The following FOXP1 variants were observed in gnomAD, a reference collection of about 807,000 sequenced individuals.
The protein encoded by FOXP1 is forkhead box protein P1.
FOXP1 carries 15 observed loss-of-function variants against 98.2 expected under a neutral mutation model. The ratio of observed to expected loss-of-function variants is 0.15; its 90% CI spans 0.10 to 0.24. The LOEUF (loss-of-function observed/expected upper bound fraction) is 0.24. Among genes scored for constraint, FOXP1 ranks in the 10% least tolerant of loss-of-function variants. The pLI, the probability that FOXP1 is intolerant of heterozygous loss-of-function variation, is 1.00. For synonymous variants in FOXP1, 371 were observed against 314.5 expected (o/e 1.18, Z -1.90); for missense variants, 633 against 848.5 (o/e 0.75, Z 3.15).
chr3:71,517,740 A>G (rs181316902), intron 2 of FOXP1, among the ~76,000 whole-genome samples: 3 of 152,170 alleles, frequency 2.0e-5, no homozygotes, highest in Admixed American at 2.0e-4. Context: ...CATTAGTTAC[A>G]TTCTTAGACA....
chr3:71,024,959 G>GT (rs2045921271), intron 11 of FOXP1, among the ~76,000 whole-genome samples: 1 of 152,208 alleles, frequency 6.6e-6, no homozygotes, highest in South Asian at 2.1e-4. Flanking sequence ...CTCATGGCCA[G>GT]TGGTGTGCTG....
intron 7 of FOXP1, among the ~76,000 whole-genome samples, chr3:71,054,149 A>T (rs566486698): frequency 1.3e-5 from 2 of 152,178 alleles, no homozygotes; most frequent in Non-Finnish European, 2.9e-5. Context: ...AGAGAAGACA[A>T]ATGGTAACCA....
chr3:71,407,728 C>A (rs1297446180), intron 3 of FOXP1, among the ~76,000 whole-genome samples: 1 of 151,790 alleles, frequency 6.6e-6, no homozygotes, highest in Non-Finnish European at 1.5e-5. Flanking sequence ...TGAAATATTC[C>A]TGCTGGCGGA....
At chr3:71,379,214 G>A (rs190108461) in intron 3 of FOXP1, among the ~76,000 whole-genome samples, 1 of 151,978 alleles carries the variant, frequency 6.6e-6, no homozygotes, top group Non-Finnish European at 1.5e-5. Flanking sequence ...AGAACAACTG[G>A]GTAGAACAAG....
chr3:71,400,425 C>T (rs1027167611), intron 3 of FOXP1, among the ~76,000 whole-genome samples: 3 of 151,946 alleles, frequency 2.0e-5, no homozygotes, highest in Non-Finnish European at 2.9e-5. Flanking sequence ...GGTGCAATCT[C>T]GGCTCACTGC....
At chr3:70,974,407 C>G (rs2037054444) in intron 17 of FOXP1, among the ~76,000 whole-genome samples, 1 of 152,062 alleles carries the variant, frequency 6.6e-6, no homozygotes, top group Non-Finnish European at 1.5e-5. Context: ...AAGCGAGTCT[C>G]CTGCCTTAGC....
chr3:71,534,551 C>A (rs1454190533), intron 2 of FOXP1, among the ~76,000 whole-genome samples: 4 of 152,148 alleles, frequency 2.6e-5, no homozygotes, highest in Non-Finnish European at 5.9e-5. Context: ...TTAAAACAGC[C>A]CAATATCTTC....
At chr3:71,469,948 T>A (rs1391417043) in intron 3 of FOXP1, among the ~76,000 whole-genome samples, 2 of 152,178 alleles carry the variant, frequency 1.3e-5, no homozygotes, top group Non-Finnish European at 2.9e-5. Context: ...AATGGCCTCA[T>A]GTGGGGTAAT....
intron 2 of FOXP1, among the ~76,000 whole-genome samples, chr3:71,528,845 A>C (rs2043600927): frequency 6.6e-6 from 1 of 152,238 alleles, no homozygotes; most frequent in African/African-American, 2.4e-5. Flanking sequence ...GGTATGAAAG[A>C]AGGAAAACAA....
intron 6 of FOXP1, among the ~76,000 whole-genome samples, chr3:71,186,970 A>T (rs2062685113): frequency 6.6e-6 from 1 of 152,256 alleles, no homozygotes; most frequent in African/African-American, 2.4e-5. Flanking sequence ...CTGCTGCAGC[A>T]TGAACGCAGT....
chr3:71,394,128 C>T (rs1223418447), intron 3 of FOXP1, among the ~76,000 whole-genome samples: 1 of 152,236 alleles, frequency 6.6e-6, no homozygotes, highest in African/African-American at 2.4e-5. Context: ...AGAAGAGTCA[C>T]CAGCTCCCAA....
At chr3:71,311,011 A>T (rs1022849975) in intron 4 of FOXP1, among the ~76,000 whole-genome samples, 1 of 152,222 alleles carries the variant, frequency 6.6e-6, no homozygotes, top group Non-Finnish European at 1.5e-5. Context: ...TGACAAAAAT[A>T]TCAGAACATA....
At chr3:70,996,540 C>T (rs1361454089) in intron 13 of FOXP1, among the ~76,000 whole-genome samples, 4 of 152,156 alleles carry the variant, frequency 2.6e-5, no homozygotes, top group Non-Finnish European at 5.9e-5. Context: ...GCATCTTTTT[C>T]TTTAGGGAGG....
At chr3:71,529,007 C>G (rs758249224) in intron 2 of FOXP1, among the ~76,000 whole-genome samples, 26 of 152,174 alleles carry the variant, frequency 1.7e-4, no homozygotes, top group Non-Finnish European at 2.8e-4. Context: ...AAACTTTGCA[C>G]CAGCTAACTG....
intron 5 of FOXP1, among the ~76,000 whole-genome samples, chr3:71,298,714 A>G (rs1442916369): frequency 2.0e-5 from 3 of 152,230 alleles, no homozygotes; most frequent in African/African-American, 7.2e-5. Context: ...AATGTGCCAG[A>G]ATGCAACTAC....
chr3:71,444,534 C>G (rs1055181874), intron 3 of FOXP1, among the ~76,000 whole-genome samples: 1 of 152,108 alleles, frequency 6.6e-6, no homozygotes, highest in African/African-American at 2.4e-5. Context: ...AATCGCCTTT[C>G]AAGTCCAAAC....
At chr3:71,053,094 G>C (rs2050133431) in intron 8 of FOXP1, among the ~76,000 whole-genome samples, 1 of 152,284 alleles carries the variant, frequency 6.6e-6, no homozygotes, top group East Asian at 1.9e-4. Context: ...ATTTGGTTCA[G>C]GTGGCTGTGA....
intron 3 of FOXP1, among the ~76,000 whole-genome samples, chr3:71,459,193 G>A (rs866894647): frequency 5.3e-5 from 8 of 152,138 alleles, no homozygotes; most frequent in Admixed American, 1.3e-4. Flanking sequence ...CTTAAAAGGC[G>A]TCTTTATGTT....
intron 6 of FOXP1, among the ~76,000 whole-genome samples, chr3:71,193,910 TC>T: frequency 6.6e-6 from 1 of 152,334 alleles, no homozygotes; most frequent in South Asian, 2.1e-4. Flanking sequence ...TTCTTCTTTT[TC>T]AAGAGAAGTT....
Sources: allele counts gnomAD v4.1 joint callset (sites outside exome capture counted in the v4.1 genomes callset), GRCh38; gene constraint gnomAD v4.1.1; transcripts MANE v1.5; gene names NCBI Gene and HGNC (gene_info 2026-07-23, HGNC 2026-07-21).